Variants in ZFYVE19 observed in about 807,000 individuals in gnomAD.
ZFYVE19 encodes zinc finger FYVE-type containing 19.
In ZFYVE19, 49 loss-of-function variants were observed where a neutral mutation model predicts 62.8. The ratio of observed to expected loss-of-function variants is 0.78; its 90% CI spans 0.62 to 0.99. The LOEUF (loss-of-function observed/expected upper bound fraction) is 0.99, where lower values mean the gene tolerates loss of function less well. Ranked by LOEUF, ZFYVE19 falls within the 50% of genes least tolerant of loss-of-function variation. The pLI is 0.00. For missense variants in ZFYVE19, 630 were observed against 601.9 expected, an observed-to-expected ratio of 1.05 and a Z score of -0.49; for synonymous variants, 242 against 234.3, an observed-to-expected ratio of 1.03 and a Z score of -0.30.
chr15:40,812,578 A>C, intron 6 of ZFYVE19, 121 bp from the exon 7 acceptor site: 1 of 317,470 alleles, frequency 3.1e-6, no homozygotes, highest in African/African-American at 4.7e-5. Context: ...AGAAAGAAAG[A>C]AAGAAAGAAA....
rs764798845 is a variant in ZFYVE19 at position 40,809,981 on chromosome 15, G to C, written c.571+11G>C. 1 of 1,614,210 alleles carries C rather than the reference G, an allele frequency of 6.2e-7. No individual in the cohort carries two copies. The highest frequency in any genetic ancestry group is 8.5e-7 in the Non-Finnish European group (1 of 1,180,018). ...AGGAGAACAAGCCCAGTGAGCAGGGGCAGATGGGGTTGCCTAGAGGACACA... is the reference window on the plus strand; with the variant it reads ...AGGAGAACAAGCCCAGTGAGCAGGGCCAGATGGGGTTGCCTAGAGGACACA... On this transcript the variant is annotated intron_variant, in intron 4 of 10. Coordinates refer to ENST00000355341, the MANE Select transcript of ZFYVE19 (RefSeq NM_001077268.2).
intron 1 of ZFYVE19, chr15:40,808,412 G>T: frequency 1.3e-6 from 2 of 1,592,458 alleles, no homozygotes; most frequent in South Asian, 2.2e-5. Flanking sequence ...CAGGGATTCT[G>T]ACCAGGAGAT....
chr15:40,815,052 A>G lies in ZFYVE19; in HGVS notation c.*826A>G, dbSNP rs1890626579. 1 of 152,200 alleles carries G rather than the reference A, an allele frequency of 6.6e-6. No individual in the cohort carries two copies. The highest frequency in any genetic ancestry group is 2.1e-4 in the South Asian group (1 of 4,816). 9.4% of individuals were successfully genotyped at this position (152,200 alleles called of 1,614,324 possible). A position where few individuals can be genotyped will look rare whatever the true frequency, so the allele number is the denominator to read the frequency against. On this transcript the variant is annotated 3_prime_UTR_variant, in exon 11 of 11. Transcript: ENST00000355341. ...GTTTCTCTTCCTGCCCCTGGCTGGAACCAACTATAAAGAGCCCTCGGGCTG... is the reference window on the plus strand; with the variant it reads ...GTTTCTCTTCCTGCCCCTGGCTGGAGCCAACTATAAAGAGCCCTCGGGCTG...
chr15:40,807,440 C>T lies in ZFYVE19; in HGVS notation c.-150C>T. The T allele has an allele frequency of 6.2e-7, 1 of 1,614,256 alleles. No homozygotes were observed. Among genetic ancestry groups the T allele is most frequent in the Non-Finnish European group, 8.5e-7 (1 of 1,180,034 alleles). On this transcript the variant is annotated 5_prime_UTR_variant, in exon 1 of 11. Coordinates refer to ENST00000355341, the MANE Select transcript of ZFYVE19 (RefSeq NM_001077268.2). ...TCCATCTGTAAGAGCTCCTTGGTCA[C>T]TGCCATGGTTCCGGCCTGACGGATT...
intron 8 of ZFYVE19, 127 bp downstream of exon 8, chr15:40,813,544 A>G: frequency 8.5e-7 from 1 of 1,181,954 alleles, no homozygotes; most frequent in South Asian, 1.5e-5. Context: ...CCTGTGACCC[A>G]GACCCAGACC....
In ZFYVE19 at chr15:40,807,663, C is replaced by T. The variant is rs1890293370; in HGVS notation, c.74C>T (p.Pro25Leu). 2 of 1,612,450 alleles carry T rather than the reference C, an allele frequency of 1.2e-6. No homozygotes were observed. Among genetic ancestry groups the T allele is most frequent in the Non-Finnish European group, 1.7e-6 (2 of 1,179,720 alleles). ...GGCTGCAGGAGAGCGTCCGGATTCC[C>T]TGCTCTAGGTCGCGGCGGGACAGTG... The part of the protein sequence containing the change: ...YAGCRRASGF[P>L]ALGRGGTVPV... The change falls in exon 1 of 11, where the codon CCT (proline) becomes CTT (leucine). Residue 25 changes from proline to leucine, a missense_variant. Physicochemically the swap from Pro to Leu is moderately conservative, Grantham distance 98. Coordinates refer to ENST00000355341, the MANE Select transcript of ZFYVE19 (RefSeq NM_001077268.2).
chr15:40,814,115 T>C (rs777922759), intron 10 of ZFYVE19, 33 bp from the exon 11 acceptor site: 2 of 1,614,214 alleles, frequency 1.2e-6, no homozygotes, highest in Admixed American at 1.7e-5. Context: ...AAGGGCTGCC[T>C]GGATCCCTGA....
At position 40,814,354 on chromosome 15, in the gene ZFYVE19, C is replaced by T. The variant is rs1890605556; in HGVS notation, c.*128C>T. On this transcript the variant is annotated 3_prime_UTR_variant, in exon 11 of 11. Transcript: ENST00000355341. ...ATGATGGATAGGCCCCTTCCTGAGC[C>T]TTGGTGTCCCTGGAATGAGGAAAGA... The T allele has an allele frequency of 9.7e-7, 1 of 1,030,374 alleles. No individual in the cohort carries two copies. Among genetic ancestry groups the T allele is most frequent in the African/African-American group, 1.6e-5 (1 of 62,568 alleles). The allele number at this position is 1,030,374 out of a possible 1,614,324, so 63.8% of individuals were successfully genotyped here.
chr15:40,807,407 C>T lies in ZFYVE19; in HGVS notation c.-183C>T. ...GCCTTCTCCTCAATGCCTAGCAGCG[C>T]GTACAGGTCCATCTGTAAGAGCTCC... On this transcript the variant is annotated 5_prime_UTR_variant, in exon 1 of 11. Coordinates refer to ENST00000355341, the MANE Select transcript of ZFYVE19 (RefSeq NM_001077268.2). 1.9e-6 allele frequency: 3 copies of T among 1,614,270 alleles called. No homozygotes were observed. The highest frequency in any genetic ancestry group is 2.5e-6 in the Non-Finnish European group (3 of 1,180,048).
At chr15:40,813,316 T>C in intron 7 of ZFYVE19, 22 bp from the exon 8 acceptor site, 1 of 1,611,060 alleles carries the variant, frequency 6.2e-7, no homozygotes, top group Non-Finnish European at 8.5e-7. Flanking sequence ...CCATCCCCTG[T>C]TCCCATGTCT....
Position 40,809,242 on chromosome 15 carries a change from T to A in ZFYVE19, c.401+2T>A. The A allele has an allele frequency of 1.2e-6, 2 of 1,614,024 alleles. No homozygotes were observed. Among genetic ancestry groups the A allele is most frequent in the Non-Finnish European group, 1.7e-6 (2 of 1,179,976 alleles). The stretch of plus-strand genomic sequence containing the variant: ...GCAATGCCATGAGGTCCTGACCAGG[T>A]AAGAGGCAGGCATGGGTGAAAGTTC... On this transcript the variant is annotated splice_donor_variant, in intron 2 of 10. Coordinates refer to ENST00000355341, the MANE Select transcript of ZFYVE19 (RefSeq NM_001077268.2). LOFTEE classifies it high-confidence loss of function.
Position 40,812,264 on chromosome 15 carries a change from A to G in ZFYVE19, c.827-435A>G, listed in dbSNP as rs1246797950. Among the ~76,000 whole-genome samples, 3 of 152,256 alleles carry G rather than the reference A, an allele frequency of 2.0e-5. No individual in the cohort carries two copies. In the South Asian group the frequency reaches 6.2e-4, roughly 32 times the overall value. ...GATCTGTGATTAGAAAGGGTTGAGA[A>G]AAGCTGGGCATGATGGCTCACGCCT... On this transcript the variant is annotated intron_variant, in intron 6 of 10. Coordinates refer to ENST00000355341, the MANE Select transcript of ZFYVE19 (RefSeq NM_001077268.2).
In ZFYVE19 at chr15:40,807,638, G is replaced by A; in HGVS notation, c.49G>A (p.Gly17Ser). 2 of 1,613,048 alleles carry A rather than the reference G, an allele frequency of 1.2e-6. No homozygotes were observed. Among genetic ancestry groups the A allele is most frequent in the East Asian group, 4.5e-5 (2 of 44,874 alleles). Reference sequence around the variant, plus strand: ...CCCGTTGCCGCCGCTGCCGTACGCTGGCTGCAGGAGAGCGTCCGGATTCCC... The same window carrying A: ...CCCGTTGCCGCCGCTGCCGTACGCTAGCTGCAGGAGAGCGTCCGGATTCCC... Reference protein sequence around the residue: ...QPPLPPLPYAGCRRASGFPAL... With the variant: ...QPPLPPLPYASCRRASGFPAL... The change falls in exon 1 of 11, where the codon GGC (glycine) becomes AGC (serine). Residue 17 changes from glycine (G) to serine (S), a missense_variant. Physicochemically the swap from Gly to Ser is moderately conservative, Grantham distance 56. Coordinates refer to ENST00000355341, the MANE Select transcript of ZFYVE19 (RefSeq NM_001077268.2).
At position 40,807,630 on chromosome 15, in the gene ZFYVE19, C is replaced by G. The variant is rs539571010; in HGVS notation, c.41C>G (p.Pro14Arg). The G allele has an allele frequency of 6.2e-7, 1 of 1,612,694 alleles. No individual in the cohort carries two copies. The highest frequency in any genetic ancestry group is 8.5e-7 in the Non-Finnish European group (1 of 1,179,586). The change falls in exon 1 of 11, where the codon CCG becomes CGG. Residue 14 changes from proline (P) to arginine (R), a missense_variant. Physicochemically the swap from Pro to Arg is moderately radical, Grantham distance 103. Coordinates refer to ENST00000355341, the MANE Select transcript of ZFYVE19 (RefSeq NM_001077268.2). ...CAGCAGCCCCCGTTGCCGCCGCTGC[C>G]GTACGCTGGCTGCAGGAGAGCGTCC... ...DSQQPPLPPL[P>R]YAGCRRASGF... is the part of the protein sequence containing the mutation.
intron 8 of ZFYVE19, 51 bp downstream of exon 8, chr15:40,813,468 GC>G: frequency 6.6e-7 from 1 of 1,525,346 alleles, no homozygotes; most frequent in Non-Finnish European, 8.9e-7. Context: ...CCGCCTCATT[GC>G]CCCACCTCTA....
intron 7 of ZFYVE19, among the ~76,000 whole-genome samples, 177 bp downstream of exon 7, chr15:40,813,079 G>A (rs1481363665): frequency 6.6e-6 from 1 of 152,150 alleles, no homozygotes; most frequent in African/African-American, 2.4e-5. Context: ...ATGAGGGCAG[G>A]GGACCTTCAG....
At position 40,814,324 on chromosome 15, in the gene ZFYVE19, T is replaced by C; in HGVS notation, c.*98T>C. The C allele has an allele frequency of 7.4e-7, 1 of 1,358,210 alleles. No homozygotes were observed. The highest frequency in any genetic ancestry group is 1.0e-6 in the Non-Finnish European group (1 of 975,440). The allele number at this position is 1,358,210 out of a possible 1,614,324, so 84.1% of individuals were successfully genotyped here. A position where few individuals can be genotyped will look rare whatever the true frequency, so the allele number is the denominator to read the frequency against. Reference sequence around the variant, plus strand: ...TCCGATGGGAGAGCTTGTCTGGCTCTACTGATGATGGATAGGCCCCTTCCT... The same window carrying C: ...TCCGATGGGAGAGCTTGTCTGGCTCCACTGATGATGGATAGGCCCCTTCCT... On this transcript the variant is annotated 3_prime_UTR_variant, in exon 11 of 11. Transcript: ENST00000355341.
Position 40,807,419 on chromosome 15 carries a change from T to C in ZFYVE19, c.-171T>C, listed in dbSNP as rs764077015. ...ATGCCTAGCAGCGCGTACAGGTCCA[T>C]CTGTAAGAGCTCCTTGGTCACTGCC... is the stretch of plus-strand genomic sequence containing the variant. On this transcript the variant is annotated 5_prime_UTR_variant, in exon 1 of 11. Transcript: ENST00000355341. The C allele has an allele frequency of 6.2e-7, 1 of 1,614,220 alleles. No homozygotes were observed. The highest frequency in any genetic ancestry group is 1.1e-5 in the South Asian group (1 of 91,084).
chr15:40,810,725 C>T lies in ZFYVE19; in HGVS notation c.794C>T (p.Ala265Val). 6.4e-7 allele frequency: 1 copy of T among 1,569,468 alleles called. No homozygotes were observed. Among genetic ancestry groups the T allele is most frequent in the Non-Finnish European group, 8.6e-7 (1 of 1,156,884 alleles). ...DLLTQLAAEV[A>V]IDESWKGGGP... Reference sequence around the variant, plus strand: ...CTAACGCAGCTGGCAGCTGAGGTGGCTATCGATGAAAGCTGGAAAGGAGGA... The same window carrying T: ...CTAACGCAGCTGGCAGCTGAGGTGGTTATCGATGAAAGCTGGAAAGGAGGA... Residue 265 changes from alanine (A) to valine (V), a missense_variant, in exon 6 of 11, where the codon GCT (alanine) becomes GTT (valine). Transcript: ENST00000355341.
Sources: allele counts gnomAD v4.1 joint callset (sites outside exome capture counted in the v4.1 genomes callset), GRCh38; gene constraint gnomAD v4.1.1; transcripts MANE v1.5; gene names NCBI Gene and HGNC (gene_info 2026-07-23, HGNC 2026-07-21).